CSMD1: variants seen among roughly 807,000 people sequenced by gnomAD.
CSMD1 encodes the protein CUB and sushi domain-containing protein 1.
In CSMD1, 213 loss-of-function variants were observed where a neutral mutation model predicts 417.5. The observed-to-expected ratio is 0.51, with a 90% CI of 0.46 to 0.57. The LOEUF (loss-of-function observed/expected upper bound fraction) is 0.57, where lower values mean the gene tolerates loss of function less well. Among genes scored for constraint, CSMD1 ranks in the 20% least tolerant of loss-of-function variants. The pLI, the probability that CSMD1 is intolerant of heterozygous loss-of-function variation, is 0.00. For synonymous variants in CSMD1, 2,862 were observed against 1,736.8 expected, an observed-to-expected ratio of 1.65 and a Z score of -16.11; for missense variants, 6,923 against 4,529.7, an observed-to-expected ratio of 1.53 and a Z score of -15.17.
intron 5 of CSMD1, among the ~76,000 whole-genome samples, chr8:3,761,788 G>A (rs896631326): frequency 2.8e-4 from 43 of 152,100 alleles, no homozygotes; most frequent in African/African-American, 6.3e-4. Flanking sequence ...TTACAGGCTT[G>A]AGCAACAATG....
intron 5 of CSMD1, 64 bp downstream of exon 5, chr8:3,997,839 C>A (rs1049156672): frequency 2.2e-6 from 3 of 1,389,520 alleles, no homozygotes; most frequent in Non-Finnish European, 3.0e-6. Flanking sequence ...TCTTGAAGCT[C>A]GTTGGGGGAA....
chr8:4,213,482 A>G (rs542721236), intron 3 of CSMD1, among the ~76,000 whole-genome samples: 2 of 152,364 alleles, frequency 1.3e-5, no homozygotes, highest in East Asian at 1.9e-4. Context: ...AGTTACTAGA[A>G]TGAAAAACAC....
intron 5 of CSMD1, among the ~76,000 whole-genome samples, chr8:3,824,441 C>G (rs1304820317): frequency 1.3e-5 from 2 of 152,140 alleles, no homozygotes; most frequent in Non-Finnish European, 2.9e-5. Flanking sequence ...TCCTGTGTAA[C>G]TTTTCATTCT....
intron 3 of CSMD1, among the ~76,000 whole-genome samples, chr8:4,288,403 C>G (rs1390855666): frequency 6.6e-6 from 1 of 152,184 alleles, no homozygotes; most frequent in Non-Finnish European, 1.5e-5. Flanking sequence ...CTACAAATAT[C>G]TCAGGCTTGT....
At chr8:4,953,556 T>C (rs899339547) in intron 1 of CSMD1, among the ~76,000 whole-genome samples, 1 of 152,182 alleles carries the variant, frequency 6.6e-6, no homozygotes, top group Non-Finnish European at 1.5e-5. Flanking sequence ...TATCTCAATT[T>C]GTTTCTCACT....
chr8:3,509,852 G>C (rs1237617148), intron 10 of CSMD1, among the ~76,000 whole-genome samples: 2 of 152,132 alleles, frequency 1.3e-5, no homozygotes, highest in Non-Finnish European at 2.9e-5. Flanking sequence ...GCAATTATCA[G>C]GTTGGACCCA....
intron 3 of CSMD1, among the ~76,000 whole-genome samples, chr8:4,085,887 C>G (rs562422257): frequency 3.2e-4 from 49 of 152,194 alleles, no homozygotes; most frequent in South Asian, 3.1e-3. Flanking sequence ...TTATTGTACT[C>G]TAGTTTTGTG....
At chr8:3,754,445 T>TTTAC (rs1797541240) in intron 5 of CSMD1, among the ~76,000 whole-genome samples, 1 of 150,850 alleles carries the variant, frequency 6.6e-6, no homozygotes, top group African/African-American at 2.4e-5. Flanking sequence ...TATTTATTTA[T>TTTAC]TTATTTATTT....
At chr8:4,598,313 G>C (rs559468699) in intron 2 of CSMD1, among the ~76,000 whole-genome samples, 1 of 152,282 alleles carries the variant, frequency 6.6e-6, no homozygotes, top group East Asian at 1.9e-4. Flanking sequence ...ATACTATGCT[G>C]AATTCCTAGC....
intron 3 of CSMD1, among the ~76,000 whole-genome samples, chr8:4,325,965 G>T (rs1264958656): frequency 6.6e-6 from 1 of 152,136 alleles, no homozygotes; most frequent in Non-Finnish European, 1.5e-5. Context: ...TCAGTCTACA[G>T]TAGCACAATT....
intron 6 of CSMD1, among the ~76,000 whole-genome samples, chr8:3,713,328 T>C (rs566025946): frequency 6.6e-6 from 1 of 152,224 alleles, no homozygotes; most frequent in Non-Finnish European, 1.5e-5. Flanking sequence ...ATTACTATAT[T>C]TGAATGGCAG....
intron 7 of CSMD1, among the ~76,000 whole-genome samples, chr8:3,692,068 T>G (rs1405242950): frequency 6.6e-6 from 1 of 152,152 alleles, no homozygotes; most frequent in Admixed American, 6.5e-5. Context: ...GGGTGAGATC[T>G]CAGTCAACTT....
chr8:4,696,963 G>C (rs1293325376), intron 1 of CSMD1, among the ~76,000 whole-genome samples: 2 of 152,158 alleles, frequency 1.3e-5, no homozygotes, highest in African/African-American at 2.4e-5. Context: ...CATGAGGTCA[G>C]CAGTTCAAGA....
At chr8:4,882,566 T>G (rs1352391447) in intron 1 of CSMD1, among the ~76,000 whole-genome samples, 2 of 151,784 alleles carry the variant, frequency 1.3e-5, no homozygotes, top group Admixed American at 6.6e-5. Context: ...CAACCCCACT[T>G]TCCCTAAGAA....
At chr8:4,106,173 G>A (rs911330685) in intron 3 of CSMD1, among the ~76,000 whole-genome samples, 6 of 152,172 alleles carry the variant, frequency 3.9e-5, no homozygotes, top group East Asian at 1.9e-4. Context: ...ACCAGCGTCT[G>A]TGCCTGATGG....
intron 5 of CSMD1, among the ~76,000 whole-genome samples, chr8:3,864,757 A>G (rs1804966435): frequency 3.9e-5 from 6 of 152,184 alleles, no homozygotes; most frequent in Admixed American, 3.9e-4. Context: ...ATTAAACTAT[A>G]GGCACCATCG....
intron 5 of CSMD1, among the ~76,000 whole-genome samples, chr8:3,853,139 G>A (rs951579614): frequency 6.6e-6 from 1 of 152,108 alleles, no homozygotes; most frequent in African/African-American, 2.4e-5. Context: ...AGGTGGCTGA[G>A]CCCGCGTCCC....
intron 54 of CSMD1, among the ~76,000 whole-genome samples, chr8:2,990,594 C>G (rs1585104575): frequency 1.3e-5 from 2 of 152,290 alleles, no homozygotes; most frequent in South Asian, 4.1e-4. Context: ...TCGGCGAAAG[C>G]AGGAGGTTTT....
chr8:3,901,162 T>G (rs1471353295), intron 5 of CSMD1, among the ~76,000 whole-genome samples: 1 of 152,218 alleles, frequency 6.6e-6, no homozygotes, highest in Non-Finnish European at 1.5e-5. Context: ...AAATAGTATA[T>G]CCTCAGCATG....
Sources: allele counts gnomAD v4.1 joint callset (sites outside exome capture counted in the v4.1 genomes callset), GRCh38; gene constraint gnomAD v4.1.1; transcripts MANE v1.5; gene names NCBI Gene and HGNC (gene_info 2026-07-23, HGNC 2026-07-21).